Variants in GLI3 observed in about 807,000 individuals in gnomAD.
GLI3 encodes transcription activator GLI3.
Under a neutral mutation model 100.8 loss-of-function variants are expected in GLI3, and 20 were observed. That is an observed-to-expected ratio of 0.20 (90% CI 0.14 to 0.29). The LOEUF is 0.29. GLI3 is among the 10% of genes least tolerant of loss of function. The pLI is 1.00. For missense variants in GLI3, 2,040 were observed against 2,128.5 expected, an observed-to-expected ratio of 0.96 and a Z score of 0.82; for synonymous variants, 938 against 860.5, an observed-to-expected ratio of 1.09 and a Z score of -1.58.
chr7:42,185,686 G>A (rs1413661019), intron 2 of GLI3, among the ~76,000 whole-genome samples: 1 of 152,210 alleles, frequency 6.6e-6, no homozygotes, highest in African/African-American at 2.4e-5. Context: ...GAGTATATGT[G>A]CATTGTCTTC....
At chr7:42,040,476 T>C (rs1784111955) in intron 6 of GLI3, among the ~76,000 whole-genome samples, 1 of 152,218 alleles carries the variant, frequency 6.6e-6, no homozygotes, top group Admixed American at 6.5e-5. Context: ...GGGAAAATGA[T>C]AAATTGCTAA....
At chr7:42,222,792 T>C in intron 2 of GLI3, 1 of 334,502 alleles carries the variant, frequency 3.0e-6, no homozygotes, top group South Asian at 2.6e-5. Context: ...TTCCGAGTAG[T>C]GTAGATGATC....
intron 10 of GLI3, among the ~76,000 whole-genome samples, chr7:41,987,716 A>G (rs1265558268): frequency 6.6e-6 from 1 of 152,242 alleles, no homozygotes; most frequent in Non-Finnish European, 1.5e-5. Context: ...GAAAAAGCAG[A>G]TAGTTTCTAA....
At chr7:42,124,027 G>C (rs1373345037) in intron 3 of GLI3, among the ~76,000 whole-genome samples, 2 of 152,054 alleles carry the variant, frequency 1.3e-5, no homozygotes, top group Non-Finnish European at 2.9e-5. Context: ...TCATCATTCT[G>C]CTTTGTTCGA....
upstream of GLI3, chr7:42,237,868 G>C (rs983815141): frequency 3.3e-5 from 5 of 150,236 alleles, no homozygotes; most frequent in Non-Finnish European, 7.4e-5. Context: ...GTGGGTCCCA[G>C]CTGCGAGGCG....
intron 7 of GLI3, among the ~76,000 whole-genome samples, chr7:42,038,883 C>T (rs1459819282): frequency 1.3e-5 from 2 of 152,142 alleles, no homozygotes; most frequent in African/African-American, 4.8e-5. Flanking sequence ...GATGAAGTTT[C>T]CCTAATTGTA....
At chr7:42,055,540 G>A (rs918936866) in intron 4 of GLI3, among the ~76,000 whole-genome samples, 21 of 152,054 alleles carry the variant, frequency 1.4e-4, no homozygotes, top group Non-Finnish European at 2.6e-4. Context: ...CCTGGTGGGC[G>A]AGCCCTCCTC....
intron 1 of GLI3, among the ~76,000 whole-genome samples, chr7:42,226,847 A>G (rs1345369608): frequency 1.3e-5 from 2 of 152,200 alleles, no homozygotes; most frequent in Non-Finnish European, 2.9e-5. Context: ...AGTGAGCGGC[A>G]AAAGGTGGCC....
chr7:42,002,903 T>C (rs535771419), intron 10 of GLI3, among the ~76,000 whole-genome samples: 2 of 152,210 alleles, frequency 1.3e-5, no homozygotes, highest in Admixed American at 1.3e-4. Context: ...ATTAGGTTAC[T>C]GAGTGGATTA....
At chr7:42,203,947 C>T (rs374277451) in intron 2 of GLI3, among the ~76,000 whole-genome samples, 4 of 152,016 alleles carry the variant, frequency 2.6e-5, no homozygotes, top group African/African-American at 9.7e-5. Context: ...TGCAATGAGC[C>T]GAGATCGTGC....
intron 3 of GLI3, among the ~76,000 whole-genome samples, chr7:42,134,150 C>A (rs1786367971): frequency 6.6e-6 from 1 of 151,830 alleles, no homozygotes; most frequent in Admixed American, 6.6e-5. Flanking sequence ...AGGTGGGTCT[C>A]AAAAGTCTTT....
chr7:42,014,309 C>A (rs565685816), intron 10 of GLI3, among the ~76,000 whole-genome samples: 138 of 152,322 alleles, frequency 9.1e-4, no homozygotes, highest in Non-Finnish European at 1.8e-3. Context: ...AATCTTACTA[C>A]CCACTACCCT....
chr7:42,223,506 G>A (rs994160800), intron 1 of GLI3, among the ~76,000 whole-genome samples: 11 of 152,022 alleles, frequency 7.2e-5, no homozygotes, highest in African/African-American at 9.7e-5. Flanking sequence ...AAAGAGAACC[G>A]AGGGAAATGC....
chr7:42,121,373 A>G (rs846395), intron 3 of GLI3, among the ~76,000 whole-genome samples: 34,873 of 152,218 alleles, frequency 0.23, 4,276 homozygotes, highest in Admixed American at 0.34. Flanking sequence ...TCCTGGGACC[A>G]CATGTTGATA....
At chr7:42,242,057 T>C (rs1410707204), upstream of GLI3, among the ~76,000 whole-genome samples, 8 of 152,220 alleles carry the variant, frequency 5.3e-5, no homozygotes, top group African/African-American at 1.9e-4. Flanking sequence ...CTTATTTATG[T>C]GACCTGGTGG....
At chr7:42,176,216 C>A (rs1787476686) in intron 2 of GLI3, among the ~76,000 whole-genome samples, 1 of 152,114 alleles carries the variant, frequency 6.6e-6, no homozygotes, top group African/African-American at 2.4e-5. Context: ...TATGCTGGTG[C>A]TGACCCAAAG....
chr7:42,050,469 C>A (rs73688632), intron 4 of GLI3, among the ~76,000 whole-genome samples: 1 of 152,222 alleles, frequency 6.6e-6, no homozygotes, highest in Non-Finnish European at 1.5e-5. Flanking sequence ...TCCATTTAGA[C>A]GTGTCCGCCA....
At chr7:42,060,728 C>A (rs1784550130) in intron 4 of GLI3, among the ~76,000 whole-genome samples, 1 of 152,110 alleles carries the variant, frequency 6.6e-6, no homozygotes, top group African/African-American at 2.4e-5. Context: ...AATATTGACA[C>A]CCAATAGTGT....
At chr7:41,996,647 C>T (rs1025057535) in intron 10 of GLI3, among the ~76,000 whole-genome samples, 2 of 152,062 alleles carry the variant, frequency 1.3e-5, no homozygotes, top group Non-Finnish European at 2.9e-5. Context: ...TAATCCTAAA[C>T]GTAAAAACAG....
Sources: allele counts gnomAD v4.1 joint callset (sites outside exome capture counted in the v4.1 genomes callset), GRCh38; gene constraint gnomAD v4.1.1; transcripts MANE v1.5; gene names NCBI Gene and HGNC (gene_info 2026-07-23, HGNC 2026-07-21).